STAU2: variants seen among roughly 807,000 people sequenced by gnomAD.
STAU2 encodes double-stranded RNA-binding protein Staufen homolog 2.
A neutral mutation model predicts 65.9 loss-of-function variants in STAU2; 20 were observed. That is an observed-to-expected ratio of 0.30 (90% CI 0.21 to 0.44). The LOEUF (loss-of-function observed/expected upper bound fraction) is 0.44, where lower values mean the gene tolerates loss of function less well. STAU2 is among the 20% of genes least tolerant of loss of function. STAU2 has a pLI of 1.00. For missense variants in STAU2, 558 were observed against 683.9 expected, an observed-to-expected ratio of 0.82 and a Z score of 2.05; for synonymous variants, 232 against 233.9, an observed-to-expected ratio of 0.99 and a Z score of 0.07.
At chr8:73,468,625 C>G (rs1819797429) in intron 13 of STAU2, among the ~76,000 whole-genome samples, 1 of 152,098 alleles carries the variant, frequency 6.6e-6, no homozygotes, top group African/African-American at 2.4e-5. Context: ...ACAAATAACC[C>G]CATCAAAAAG....
At chr8:73,665,301 C>G (rs1228242207) in intron 6 of STAU2, among the ~76,000 whole-genome samples, 1 of 152,086 alleles carries the variant, frequency 6.6e-6, no homozygotes, top group Non-Finnish European at 1.5e-5. Flanking sequence ...GAAGTAGAAT[C>G]AGTTTAAGAG....
intron 13 of STAU2, among the ~76,000 whole-genome samples, chr8:73,449,374 T>C (rs1378253830): frequency 6.6e-6 from 1 of 152,240 alleles, no homozygotes; most frequent in Non-Finnish European, 1.5e-5. Context: ...CTGCTCTGTG[T>C]CCTGATCCCC....
rs1343047925 is a variant in STAU2, at chr8:73,421,058, T to A, written c.*314A>T. ...CCCAACTTCTCTATTATTAATCATG[T>A]TAAAATTTTAGCTTTGTTTCTAACA... On this transcript the variant is annotated 3_prime_UTR_variant, in exon 15 of 15. Transcript: ENST00000524300. 1 of 249,094 alleles carries A rather than the reference T, an allele frequency of 4.0e-6. No individual in the cohort carries two copies. The highest frequency in any genetic ancestry group is 8.5e-5 in the East Asian group (1 of 11,728). The allele number at this position is 249,094 out of a possible 1,614,324, so 15.4% of individuals were successfully genotyped here.
intron 3 of STAU2, among the ~76,000 whole-genome samples, chr8:73,724,104 G>A (rs1248501430): frequency 6.6e-6 from 1 of 152,120 alleles, no homozygotes. Flanking sequence ...GTCACATCCT[G>A]GAAAATCTCT....
At chr8:73,696,094 G>A (rs1819680298) in intron 4 of STAU2, among the ~76,000 whole-genome samples, 2 of 152,154 alleles carry the variant, frequency 1.3e-5, no homozygotes, top group African/African-American at 4.8e-5. Context: ...ATTTGTTTGG[G>A]AGAAAGTAAA....
chr8:73,688,884 A>T, intron 4 of STAU2, 71 bp from the exon 5 acceptor site: 1 of 1,541,406 alleles, frequency 6.5e-7, no homozygotes. Context: ...TGTCTGAGAG[A>T]AAAATAAACA....
chr8:73,425,650 C>T (rs1816757061), intron 13 of STAU2, among the ~76,000 whole-genome samples: 1 of 152,170 alleles, frequency 6.6e-6, no homozygotes, highest in South Asian at 2.1e-4. Context: ...CTCTCTCTCT[C>T]CCTGTATTAT....
At chr8:73,615,535 G>A (rs1054777814) in intron 8 of STAU2, 140 bp downstream of exon 8, 23 of 601,490 alleles carry the variant, frequency 3.8e-5, no homozygotes, top group Admixed American at 6.2e-5. Flanking sequence ...CCAGGGCCTA[G>A]ATCATTTCAT....
chr8:73,563,599 G>A (rs1050367083), intron 12 of STAU2, among the ~76,000 whole-genome samples: 2 of 152,146 alleles, frequency 1.3e-5, no homozygotes, highest in African/African-American at 4.8e-5. Context: ...ACAAGGCAAA[G>A]GGTCCATAGG....
intron 12 of STAU2, among the ~76,000 whole-genome samples, chr8:73,566,437 A>G (rs1212650028): frequency 3.9e-5 from 6 of 152,232 alleles, no homozygotes; most frequent in African/African-American, 1.2e-4. Flanking sequence ...AATAGTTTGA[A>G]CATTTTCCAT....
intron 11 of STAU2, among the ~76,000 whole-genome samples, chr8:73,589,455 T>C (rs1268340414): frequency 3.3e-5 from 5 of 152,146 alleles, no homozygotes; most frequent in African/African-American, 7.2e-5. Context: ...CTATGATTCA[T>C]AGGTTGAAAG....
At chr8:73,671,458 T>G (rs1278692013) in intron 6 of STAU2, among the ~76,000 whole-genome samples, 1 of 151,980 alleles carries the variant, frequency 6.6e-6, no homozygotes, top group Non-Finnish European at 1.5e-5. Context: ...CCTTTTTAAC[T>G]CAGTGTTCTC....
chr8:73,601,654 G>A (rs180943329), intron 10 of STAU2, among the ~76,000 whole-genome samples: 12 of 152,028 alleles, frequency 7.9e-5, no homozygotes, highest in Admixed American at 3.3e-4. Flanking sequence ...TTCCAGAAGG[G>A]GAAAAAACAA....
At chr8:73,609,154 T>C (rs1292822662) in intron 9 of STAU2, among the ~76,000 whole-genome samples, 3 of 151,998 alleles carry the variant, frequency 2.0e-5, no homozygotes, top group Non-Finnish European at 4.4e-5. Flanking sequence ...TAATAGGTAG[T>C]GCAGAGCATA....
At chr8:73,666,488 C>G (rs1487103231) in intron 6 of STAU2, among the ~76,000 whole-genome samples, 1 of 152,138 alleles carries the variant, frequency 6.6e-6, no homozygotes, top group African/African-American at 2.4e-5. Context: ...AACCAAGAAG[C>G]CTTAAGTAAG....
chr8:73,692,492 G>A (rs1264800988), intron 4 of STAU2, among the ~76,000 whole-genome samples: 1 of 152,126 alleles, frequency 6.6e-6, no homozygotes, highest in Non-Finnish European at 1.5e-5. Context: ...CACCACGCCG[G>A]CCCTCCTATG....
In STAU2 at chr8:73,716,931, C is replaced by T. The variant is rs371403879; in HGVS notation, c.-17-7769G>A. Among the ~76,000 whole-genome samples the T allele has an allele frequency of 5.3e-5, 8 of 152,060 alleles. 1 individual carries two copies. The highest frequency in any genetic ancestry group is 3.9e-4 in the East Asian group (2 of 5,166). On this transcript the variant is annotated intron_variant, in intron 3 of 14. Coordinates refer to ENST00000524300, the MANE Select transcript of STAU2 (RefSeq NM_001164380.2). ...CCAGTCTGGGCAACATGGTACCCCG[C>T]CTCTATTAAAAATACAAAAAGTAGC...
At chr8:73,711,756 C>T (rs1486512341) in intron 3 of STAU2, among the ~76,000 whole-genome samples, 1 of 152,090 alleles carries the variant, frequency 6.6e-6, no homozygotes. Context: ...TGACTTCCTG[C>T]TTCATAAAAG....
intron 12 of STAU2, among the ~76,000 whole-genome samples, chr8:73,558,992 G>A (rs527323023): frequency 6.6e-6 from 1 of 152,100 alleles, no homozygotes; most frequent in Non-Finnish European, 1.5e-5. Context: ...AGGGGCTTCT[G>A]GTTCAAAACA....
Sources: gnomAD v4.1 joint callset for allele counts (sites outside exome capture counted in the v4.1 genomes callset) on GRCh38, gnomAD v4.1.1 for gene constraint, MANE v1.5 for transcripts, NCBI Gene and HGNC (gene_info 2026-07-23, HGNC 2026-07-21) for gene names.